CSTPP1: variants seen among roughly 807,000 people sequenced by gnomAD.
CSTPP1 encodes the protein UPF0705 protein C11orf49.
chr11:47,016,296 G>A, the CSTPP1 span, among the ~76,000 whole-genome samples: 1 of 150,338 alleles, frequency 6.7e-6, no homozygotes, highest in Non-Finnish European at 1.5e-5. Flanking sequence ...TGTCCTGGAG[G>A]TTCTAGCCAG....
the CSTPP1 span, among the ~76,000 whole-genome samples, chr11:47,083,961 A>G: frequency 1.3e-5 from 2 of 152,230 alleles, no homozygotes; most frequent in Non-Finnish European, 2.9e-5. Context: ...TATCTTGGGT[A>G]AATACCTAAG....
the CSTPP1 span, among the ~76,000 whole-genome samples, chr11:47,022,722 G>A: frequency 6.6e-6 from 1 of 152,004 alleles, no homozygotes; most frequent in Admixed American, 6.6e-5. Flanking sequence ...GGAAAATATT[G>A]ATTTTCTAAG....
chr11:47,026,437 G>T, the CSTPP1 span, among the ~76,000 whole-genome samples: 1 of 152,024 alleles, frequency 6.6e-6, no homozygotes, highest in Non-Finnish European at 1.5e-5. Flanking sequence ...GGTAATTGTT[G>T]TTATTTTTTT....
At chr11:47,113,127 G>A in the CSTPP1 span, among the ~76,000 whole-genome samples, 1 of 152,176 alleles carries the variant, frequency 6.6e-6, no homozygotes, top group Non-Finnish European at 1.5e-5. Flanking sequence ...TTCTGAGAAT[G>A]ATGGTTTCTA....
At chr11:46,942,413 C>T in the CSTPP1 span, among the ~76,000 whole-genome samples, 249 of 152,278 alleles carry the variant, frequency 1.6e-3, no homozygotes, top group Non-Finnish European at 3.2e-3. Context: ...ATACCACCTA[C>T]GTGCTGACCT....
At chr11:47,039,251 G>T in the CSTPP1 span, among the ~76,000 whole-genome samples, 14 of 127,974 alleles carry the variant, frequency 1.1e-4, 4 homozygotes, top group Admixed American at 3.3e-4. Flanking sequence ...CTGCAATCCC[G>T]GCACCTCAGG....
At chr11:47,103,364 C>T in the CSTPP1 span, among the ~76,000 whole-genome samples, 1 of 148,770 alleles carries the variant, frequency 6.7e-6, no homozygotes, top group African/African-American at 2.5e-5. Context: ...CATGCCACTG[C>T]ACTCTGGCCT....
the CSTPP1 span, among the ~76,000 whole-genome samples, chr11:46,942,942 C>A: frequency 6.6e-6 from 1 of 152,248 alleles, no homozygotes; most frequent in South Asian, 2.1e-4. Context: ...AACCAAAAAA[C>A]CCCTATTGGT....
the CSTPP1 span, chr11:47,159,514 G>GAA: frequency 5.5e-5 from 19 of 343,712 alleles, no homozygotes; most frequent in Middle Eastern, 3.9e-4. Flanking sequence ...TCTCAAAAAA[G>GAA]AAAAAAAAAA....
chr11:47,051,498 C>A, the CSTPP1 span, among the ~76,000 whole-genome samples: 1 of 151,992 alleles, frequency 6.6e-6, no homozygotes, highest in Non-Finnish European at 1.5e-5. Context: ...ACCCTTGTTT[C>A]TATTTTCCTT....
chr11:46,951,933 A>G, the CSTPP1 span, among the ~76,000 whole-genome samples: 14 of 152,096 alleles, frequency 9.2e-5, no homozygotes, highest in African/African-American at 3.1e-4. Context: ...TTCTCTCCAG[A>G]CTAATGTTTC....
the CSTPP1 span, among the ~76,000 whole-genome samples, chr11:47,082,601 C>G: frequency 6.6e-6 from 1 of 152,002 alleles, no homozygotes; most frequent in African/African-American, 2.4e-5. Context: ...GTGTACAATT[C>G]AGTCGTTTTT....
chr11:47,117,035 C>A, the CSTPP1 span, among the ~76,000 whole-genome samples: 2 of 152,148 alleles, frequency 1.3e-5, no homozygotes, highest in African/African-American at 4.8e-5. Flanking sequence ...TGTCTTTGCA[C>A]GTGAGATGGG....
the CSTPP1 span, among the ~76,000 whole-genome samples, chr11:47,029,172 A>G: frequency 2.6e-5 from 4 of 152,120 alleles, no homozygotes; most frequent in African/African-American, 9.7e-5. Context: ...GAGCCTGGTG[A>G]CTTTGTGCAA....
At chr11:46,983,263 A>G in the CSTPP1 span, among the ~76,000 whole-genome samples, 1 of 152,208 alleles carries the variant, frequency 6.6e-6, no homozygotes. Context: ...AGAACCAAGA[A>G]GTTTCTGATC....
chr11:46,966,721 T>C, the CSTPP1 span, among the ~76,000 whole-genome samples: 1 of 152,236 alleles, frequency 6.6e-6, no homozygotes, highest in African/African-American at 2.4e-5. Context: ...TACTTTCTAG[T>C]TTGTACATAG....
At chr11:46,954,980 A>G in the CSTPP1 span, among the ~76,000 whole-genome samples, 1 of 152,164 alleles carries the variant, frequency 6.6e-6, no homozygotes, top group Admixed American at 6.5e-5. Flanking sequence ...GGGGTCACCA[A>G]AGCCCAAAGG....
the CSTPP1 span, among the ~76,000 whole-genome samples, chr11:47,053,504 A>C: frequency 4.0e-5 from 6 of 151,790 alleles, no homozygotes; most frequent in Non-Finnish European, 8.8e-5. Flanking sequence ...CTATAATCCC[A>C]GCTATTCAGG....
the CSTPP1 span, among the ~76,000 whole-genome samples, chr11:47,117,515 G>A: frequency 1.3e-5 from 2 of 152,180 alleles, no homozygotes; most frequent in African/African-American, 4.8e-5. Context: ...AGTCTGATGG[G>A]CTTCCCTTTG....
Sources: allele counts gnomAD v4.1 joint callset (sites outside exome capture counted in the v4.1 genomes callset), GRCh38; gene constraint gnomAD v4.1.1; transcripts MANE v1.5; gene names NCBI Gene and HGNC (gene_info 2026-07-23, HGNC 2026-07-21).